ACYP2: variants seen among roughly 807,000 people sequenced by gnomAD.
ACYP2 encodes the protein acylphosphatase 2.
Under a neutral mutation model 11.2 loss-of-function variants are expected in ACYP2, and 12 were observed. The observed-to-expected ratio is 1.08, with a 90% CI of 0.69 to 1.74. The LOEUF (loss-of-function observed/expected upper bound fraction) is 1.74, where lower values mean the gene tolerates loss of function less well. ACYP2 is among the 40% of genes most tolerant of loss of function. The probability of loss-of-function intolerance (pLI) is 0.00; values close to 1 mark genes in which losing one functional copy is unlikely to be tolerated. For missense variants in ACYP2, 134 were observed against 101.9 expected, an observed-to-expected ratio of 1.31 and a Z score of -1.35; for synonymous variants, 43 against 32.2, an observed-to-expected ratio of 1.33 and a Z score of -1.13.
chr2:54,006,155 A>AT (rs34207761), intron 2 of ACYP2, among the ~76,000 whole-genome samples: 9 of 150,740 alleles, frequency 6.0e-5, no homozygotes, highest in African/African-American at 1.7e-4. Flanking sequence ...TAATTTTCTA[A>AT]TTTTTTTTTG....
intron 2 of ACYP2, among the ~76,000 whole-genome samples, chr2:53,985,198 T>C (rs1671975820): frequency 6.6e-6 from 1 of 151,416 alleles, no homozygotes; most frequent in Non-Finnish European, 1.5e-5. Context: ...GCCTCCCGAG[T>C]AGCTGGAACT....
At chr2:54,261,195 T>C (rs1056969583) in intron 6 of ACYP2, among the ~76,000 whole-genome samples, 1 of 152,202 alleles carries the variant, frequency 6.6e-6, no homozygotes, top group South Asian at 2.1e-4. Context: ...TATTTTCTTT[T>C]GGGGTTCCAT....
At chr2:54,175,560 T>C (rs973841004) in intron 6 of ACYP2, among the ~76,000 whole-genome samples, 4 of 152,196 alleles carry the variant, frequency 2.6e-5, no homozygotes, top group Non-Finnish European at 4.4e-5. Flanking sequence ...TAGTTATTTC[T>C]TGCCTTCTCC....
chr2:53,981,269 A>G (rs922597359), intron 2 of ACYP2, among the ~76,000 whole-genome samples: 2 of 152,220 alleles, frequency 1.3e-5, no homozygotes, highest in Non-Finnish European at 2.9e-5. Flanking sequence ...CAAAGCACAC[A>G]AAGCAAGGAA....
intron 2 of ACYP2, among the ~76,000 whole-genome samples, chr2:54,012,122 G>T (rs910105789): frequency 1.3e-5 from 2 of 151,870 alleles, no homozygotes; most frequent in Non-Finnish European, 2.9e-5. Flanking sequence ...TGTAGTCCCA[G>T]CTACTCAGGT....
intron 5 of ACYP2, among the ~76,000 whole-genome samples, chr2:54,136,701 T>C (rs1417615672): frequency 6.6e-6 from 1 of 152,086 alleles, no homozygotes; most frequent in Admixed American, 6.6e-5. Flanking sequence ...TAAGGCCGGA[T>C]GCAGTGGCTC....
intron 4 of ACYP2, chr2:54,065,717 C>A: frequency 2.6e-6 from 1 of 387,722 alleles, no homozygotes; most frequent in Non-Finnish European, 4.5e-6. Context: ...CAGGCTGTAG[C>A]CGGAAAGTGA....
chr2:54,115,870 C>T, intron 4 of ACYP2, 114 bp downstream of exon 1: 1 of 1,310,088 alleles, frequency 7.6e-7, no homozygotes, highest in South Asian at 1.6e-5. Flanking sequence ...CTGGGACTTC[C>T]GCTCCGCCAT....
intron 4 of ACYP2, among the ~76,000 whole-genome samples, chr2:54,068,856 G>A (rs907914840): frequency 3.3e-5 from 5 of 151,524 alleles, no homozygotes; most frequent in African/African-American, 1.2e-4. Flanking sequence ...AATTTTAGGT[G>A]GTATAATGAA....
At chr2:54,164,513 G>A (rs943053022) in intron 6 of ACYP2, among the ~76,000 whole-genome samples, 1 of 152,188 alleles carries the variant, frequency 6.6e-6, no homozygotes, top group Non-Finnish European at 1.5e-5. Flanking sequence ...GGTACATAGG[G>A]AAGAGAGAAG....
chr2:54,126,178 G>T lies in ACYP2; in HGVS notation c.278-9275G>T, dbSNP rs149121459. Among the ~76,000 whole-genome samples, 142 of 152,312 alleles carry T rather than the reference G, an allele frequency of 9.3e-4. 1 individual carries two copies. The highest frequency in any genetic ancestry group is 3.3e-3 in the African/African-American group (139 of 41,572). On this transcript the variant is annotated intron_variant, in intron 4 of 6. Coordinates refer to ENST00000607452, the MANE Select transcript of ACYP2 (RefSeq NM_001320586.2). ...TAGGCCAGTTTGCAGAAGAAGATAG[G>T]TAATAATAACGTATGTATTTTTGTG...
chr2:54,030,578 G>C (rs1194871128), intron 2 of ACYP2: 1 of 156,022 alleles, frequency 6.4e-6, no homozygotes, highest in East Asian at 1.9e-4. Context: ...GAGTTGGCCT[G>C]CCACAGATTC....
At chr2:53,999,365 T>C (rs949900055) in intron 2 of ACYP2, among the ~76,000 whole-genome samples, 1 of 152,164 alleles carries the variant, frequency 6.6e-6, no homozygotes, top group African/African-American at 2.4e-5. Context: ...AAAAGCCAAG[T>C]TACCAAAACA....
chr2:54,242,000 C>G (rs1686749992), intron 6 of ACYP2, among the ~76,000 whole-genome samples: 1 of 151,930 alleles, frequency 6.6e-6, no homozygotes. Flanking sequence ...GGTGACACAG[C>G]AAGACACTGT....
At chr2:54,231,433 C>A (rs1029899485) in intron 6 of ACYP2, among the ~76,000 whole-genome samples, 3 of 152,120 alleles carry the variant, frequency 2.0e-5, no homozygotes, top group Non-Finnish European at 4.4e-5. Flanking sequence ...TATCTAAATT[C>A]ATATAATTCA....
rs531787911 is a variant in ACYP2, at chr2:54,124,623, G to A, written c.278-10830G>A. On this transcript the variant is annotated intron_variant, in intron 4 of 6. Coordinates refer to ENST00000607452, the MANE Select transcript of ACYP2 (RefSeq NM_001320586.2). ...AGAAGTATGAATTTAACCAAAAATT[G>A]TGCCTCAAACTTACTGTTTTAAGAT... Among the ~76,000 whole-genome samples the A allele has an allele frequency of 2.0e-5, 3 of 152,316 alleles. No individual in the cohort carries two copies. The East Asian group carries it at 5.8e-4, about 29-fold the overall frequency.
chr2:54,180,965 A>AT (rs1479232509), intron 6 of ACYP2, among the ~76,000 whole-genome samples: 1 of 152,208 alleles, frequency 6.6e-6, no homozygotes, highest in Non-Finnish European at 1.5e-5. Flanking sequence ...CACATTGGGC[A>AT]TTGGATTTCA....
rs1377082439 is a variant in ACYP2 at position 54,165,529 on chromosome 2, TCTCTCTCACA to T, written c.404+26783_404+26792del. Among the ~76,000 whole-genome samples, 570 of 143,154 alleles carry T rather than the reference TCTCTCTCACA, an allele frequency of 4.0e-3. 3 individuals are homozygous for T. Among genetic ancestry groups the T allele is most frequent in the Non-Finnish European group, 6.0e-3 (396 of 66,352 alleles). The allele number at this position is 143,154 out of a possible 152,430, so 93.9% of individuals were successfully genotyped here. On this transcript the variant is annotated intron_variant, in intron 6 of 6. Coordinates refer to ENST00000607452, the MANE Select transcript of ACYP2 (RefSeq NM_001320586.2). ...CTCTCTCTTTCACTCTCTCTCTCTC[TCTCTCTCACA>T]CACACACACACACACACACACACAC...
At chr2:54,250,599 T>G (rs1164447497) in intron 6 of ACYP2, among the ~76,000 whole-genome samples, 1 of 152,246 alleles carries the variant, frequency 6.6e-6, no homozygotes, top group East Asian at 1.9e-4. Flanking sequence ...AATTATGTGA[T>G]ATGAATTGAT....
Sources: gnomAD v4.1 joint callset for allele counts (sites outside exome capture counted in the v4.1 genomes callset) on GRCh38, gnomAD v4.1.1 for gene constraint, MANE v1.5 for transcripts, NCBI Gene and HGNC (gene_info 2026-07-23, HGNC 2026-07-21) for gene names.